Variants in GUCD1 observed in about 807,000 individuals in gnomAD.
GUCD1 encodes guanylyl cyclase domain containing 1, also known as protein GUCD1.
In GUCD1, 17 loss-of-function variants were observed where a neutral mutation model predicts 28.3. That is an observed-to-expected ratio of 0.60 (90% confidence interval 0.41 to 0.90). GUCD1 has a LOEUF of 0.90. Among genes scored for constraint, GUCD1 ranks in the 40% least tolerant of loss-of-function variants. The pLI is 0.00. For synonymous variants in GUCD1, 129 were observed against 123.3 expected, an observed-to-expected ratio of 1.05 and a Z score of -0.30; for missense variants, 279 against 305.5, an observed-to-expected ratio of 0.91 and a Z score of 0.65.
At chr22:24,547,344 G>A (rs570140320) in intron 3 of GUCD1, 1 of 294,578 alleles carries the variant, frequency 3.4e-6, no homozygotes, top group East Asian at 7.6e-5. Flanking sequence ...CAAGGGGGAT[G>A]AGGCTGAACC....
rs992813000 is a variant in GUCD1, at chr22:24,541,703, G to C, written c.*1303C>G. 1 of 151,744 alleles carries C rather than the reference G, an allele frequency of 6.6e-6. No individual in the cohort carries two copies. The highest frequency in any genetic ancestry group is 2.4e-5 in the African/African-American group (1 of 41,264). The allele number at this position is 151,744 out of a possible 1,614,324, so 9.4% of individuals were successfully genotyped here. A position where few individuals can be genotyped will look rare whatever the true frequency, so the allele number is the denominator to read the frequency against. On this transcript the variant is annotated 3_prime_UTR_variant, in exon 6 of 6. Transcript: ENST00000435822. ...GGGTTCAAGACCCAGCTCCACCACT[G>C]TCCTGAGCAGACTCCCAAGACTGGG...
chr22:24,544,676 GC>G (rs1454237136), intron 4 of GUCD1, among the ~76,000 whole-genome samples: 1 of 152,146 alleles, frequency 6.6e-6, no homozygotes, highest in African/African-American at 2.4e-5. Flanking sequence ...AGAAGGCACT[GC>G]CCCATCCTGT....
At chr22:24,553,359 C>T (rs187960481) in intron 1 of GUCD1, among the ~76,000 whole-genome samples, 1 of 152,316 alleles carries the variant, frequency 6.6e-6, no homozygotes, top group African/African-American at 2.4e-5. Context: ...TAATCCCTCT[C>T]ACTCTCAGGG....
Position 24,555,029 on chromosome 22 carries a change from G to C in GUCD1, c.-38C>G, listed in dbSNP as rs1271565589. The C allele has an allele frequency of 1.4e-6, 2 of 1,447,706 alleles. No individual in the cohort carries two copies. The highest frequency in any genetic ancestry group is 1.8e-6 in the Non-Finnish European group (2 of 1,102,934). 89.7% of individuals were successfully genotyped at this position (1,447,706 alleles called of 1,614,324 possible). Reference sequence around the variant, plus strand: ...GCGGGGCGCCCATGGCCCCGGCCCAGAGCGGGCTACAGCTTCCGCTTCGGC... The same window carrying C: ...GCGGGGCGCCCATGGCCCCGGCCCACAGCGGGCTACAGCTTCCGCTTCGGC... On this transcript the variant is annotated 5_prime_UTR_variant, in exon 1 of 6. Coordinates refer to ENST00000435822, the MANE Select transcript of GUCD1 (RefSeq NM_001284254.2).
At chr22:24,546,825 C>T in intron 4 of GUCD1, 89 bp downstream of exon 4, 2 of 1,209,238 alleles carry the variant, frequency 1.7e-6, no homozygotes, top group Non-Finnish European at 2.5e-6. Flanking sequence ...CCTAGCCTTT[C>T]CTGAACACCA....
At chr22:24,544,130 C>CCATCCCT in intron 4 of GUCD1, 47 bp from the exon 5 acceptor site, 1 of 1,586,928 alleles carries the variant, frequency 6.3e-7, no homozygotes, top group Non-Finnish European at 8.6e-7. Flanking sequence ...CCCCCATTCC[C>CCATCCCT]CATCCCTCAA....
rs771905383 is a variant in GUCD1 at position 24,554,971 on chromosome 22, T to TGCCTCC, written c.15_20dup (p.Glu6_Ala7dup). 8.3e-6 allele frequency: 13 copies of TGCCTCC among 1,561,984 alleles called. No individual in the cohort carries two copies. The highest frequency in any genetic ancestry group is 2.6e-5 in the East Asian group (1 of 38,998). On this transcript the variant is annotated inframe_insertion, in exon 1 of 6. Transcript: ENST00000435822. ...GACCGGGCTCGAGCGGCGGCCCCGC[T>TGCCTCC]GCCTCCGCCTCCGTCCTCATGACCC...
chr22:24,544,229 G>T, intron 4 of GUCD1, 146 bp from the exon 5 acceptor site: 1 of 1,165,202 alleles, frequency 8.6e-7, no homozygotes, highest in Non-Finnish European at 1.2e-6. Flanking sequence ...CTCTGTCACT[G>T]TGGCCCAGGC....
At chr22:24,554,163 C>T (rs2044962723) in intron 1 of GUCD1, among the ~76,000 whole-genome samples, 1 of 152,246 alleles carries the variant, frequency 6.6e-6, no homozygotes, top group South Asian at 2.1e-4. Flanking sequence ...CAGCGCGCGC[C>T]TGCCTCATAG....
upstream of GUCD1, chr22:24,555,562 A>G (rs558188803): frequency 2.9e-5 from 44 of 1,537,064 alleles, no homozygotes; most frequent in Middle Eastern, 1.7e-4. Flanking sequence ...GCTCTACTCT[A>G]TACCTAACTT....
chr22:24,554,801 G>T, intron 1 of GUCD1, 148 bp downstream of exon 1: 1 of 600,384 alleles, frequency 1.7e-6, no homozygotes, highest in Non-Finnish European at 3.0e-6. Context: ...TCCTGCGAGT[G>T]TCAGGAAACC....
chr22:24,547,859 A>T (rs2147084425), intron 3 of GUCD1, 49 bp downstream of exon 3: 1 of 1,603,238 alleles, frequency 6.2e-7, no homozygotes, highest in Middle Eastern at 1.8e-4. Flanking sequence ...AGGTGGCCTT[A>T]TACCTCTGTG....
intron 4 of GUCD1, among the ~76,000 whole-genome samples, chr22:24,546,639 G>A (rs1327619346): frequency 6.6e-6 from 1 of 152,194 alleles, no homozygotes; most frequent in Non-Finnish European, 1.5e-5. Context: ...TCTGCAAGTA[G>A]CCCAAGGGCT....
Position 24,548,983 on chromosome 22 carries a change from G to C in GUCD1, c.62C>G (p.Pro21Arg). The C allele has an allele frequency of 1.3e-6, 2 of 1,581,642 alleles. No homozygotes were observed. The highest frequency in any genetic ancestry group is 2.3e-5 in the East Asian group (1 of 43,846). The change falls in exon 2 of 6, where the codon CCT (proline) becomes CGT (arginine). Residue 21 changes from proline (P) to arginine (R), a missense_variant. Coordinates refer to ENST00000435822, the MANE Select transcript of GUCD1 (RefSeq NM_001284254.2). Reference sequence around the variant, plus strand: ...GTAGAGCTGCTGGATGACGGGCACAGGCAGTTGCACAAAGTCCCCTGTGCA... The same window carrying C: ...GTAGAGCTGCTGGATGACGGGCACACGCAGTTGCACAAAGTCCCCTGTGCA... The part of the protein sequence containing the change: ...PLEPGDFVQL[P>R]VPVIQQLYHW...
At position 24,547,999 on chromosome 22, in the gene GUCD1, G is replaced by A. The variant is rs558125546; in HGVS notation, c.203C>T (p.Thr68Ile). 6.2e-7 allele frequency: 1 copy of A among 1,614,112 alleles called. No homozygotes were observed. The highest frequency in any genetic ancestry group is 1.3e-5 in the African/African-American group (1 of 75,038). ...GTGCATCAGGTAGGCCAGGTCGATGGTCCAGATGCTCCTGGTCAGCTGCAG... is the reference window on the plus strand; with the variant it reads ...GTGCATCAGGTAGGCCAGGTCGATGATCCAGATGCTCCTGGTCAGCTGCAG... The part of the protein sequence containing the change: ...QKLQLTRSIW[T>I]IDLAYLMHHF... Residue 68 changes from threonine (T) to isoleucine (I), a missense_variant, in exon 3 of 6, where the codon ACC becomes ATC. Thr to Ile is a moderately conservative substitution (Grantham distance 89). Coordinates refer to ENST00000435822, the MANE Select transcript of GUCD1 (RefSeq NM_001284254.2).
rs143813405 is a variant in GUCD1 at position 24,540,919 on chromosome 22, G to C, written c.*2087C>G. 2 of 169,102 alleles carry C rather than the reference G, an allele frequency of 1.2e-5. No homozygotes were observed. Among genetic ancestry groups the C allele is most frequent in the African/African-American group, 2.4e-5 (1 of 41,626 alleles). 10.5% of individuals were successfully genotyped at this position (169,102 alleles called of 1,614,324 possible). A position where few individuals can be genotyped will look rare whatever the true frequency, so the allele number is the denominator to read the frequency against. ...CCACTCCCTAGTGACAGCCCTAACA[G>C]CATGTGCACTGTCTAAATCACATCC... On this transcript the variant is annotated 3_prime_UTR_variant, in exon 6 of 6. Coordinates refer to ENST00000435822, the MANE Select transcript of GUCD1 (RefSeq NM_001284254.2).
At chr22:24,553,225 T>G (rs2044930326) in intron 1 of GUCD1, among the ~76,000 whole-genome samples, 1 of 152,194 alleles carries the variant, frequency 6.6e-6, no homozygotes. Context: ...AGTCTAGGAG[T>G]GTCCAATCTT....
At chr22:24,555,511 C>G, upstream of GUCD1, 10 of 1,354,398 alleles carry the variant, frequency 7.4e-6, no homozygotes, top group Non-Finnish European at 1.0e-5. Flanking sequence ...CCAAGCAACT[C>G]TCCTCCAACT....
Position 24,548,064 on chromosome 22 carries a change from G to C in GUCD1, c.138C>G (p.Gly46=). 1 of 1,613,700 alleles carries C rather than the reference G, an allele frequency of 6.2e-7. No homozygotes were observed. The highest frequency in any genetic ancestry group is 8.5e-7 in the Non-Finnish European group (1 of 1,179,848). Residue 46 remains glycine, a synonymous_variant, in exon 3 of 6, where the codon GGC becomes GGG. Transcript: ENST00000435822. ...ACSRMVLRYL[G]QLDDSEFERA... is the part of the protein sequence containing the mutation. ...TCTCAAACTCACTGTCGTCCAGCTGGCCCAGGTACCTGCAGGTAGACGAGC... is the reference window on the plus strand; with the variant it reads ...TCTCAAACTCACTGTCGTCCAGCTGCCCCAGGTACCTGCAGGTAGACGAGC...
Sources: allele counts gnomAD v4.1 joint callset (sites outside exome capture counted in the v4.1 genomes callset), GRCh38; gene constraint gnomAD v4.1.1; transcripts MANE v1.5; gene names NCBI Gene and HGNC (gene_info 2026-07-23, HGNC 2026-07-21).